Variants in EPB41L3 observed in about 807,000 individuals in gnomAD.
EPB41L3 encodes erythrocyte membrane protein band 4.1 like 3, also known as band 4.1-like protein 3.
EPB41L3 carries 57 observed loss-of-function variants against 127.1 expected under a neutral mutation model. The ratio of observed to expected loss-of-function variants is 0.45; its 90% CI spans 0.36 to 0.56. The LOEUF (loss-of-function observed/expected upper bound fraction) is 0.56. Ranked by LOEUF, EPB41L3 falls within the 20% of genes least tolerant of loss-of-function variation. The probability of loss-of-function intolerance (pLI) is 0.00; values close to 1 mark genes in which losing one functional copy is unlikely to be tolerated. For synonymous variants in EPB41L3, 572 were observed against 549.5 expected, an observed-to-expected ratio of 1.04 and a Z score of -0.57; for missense variants, 1,273 against 1,372.2, an observed-to-expected ratio of 0.93 and a Z score of 1.14.
chr18:5,485,349 G>C (rs534739492), intron 2 of EPB41L3, among the ~76,000 whole-genome samples: 6 of 151,838 alleles, frequency 4.0e-5, no homozygotes, highest in African/African-American at 1.4e-4. Flanking sequence ...AACATACCCC[G>C]AAATAATACA....
chr18:5,393,621 A>C, intron 22 of EPB41L3, 143 bp from the exon 23 acceptor site: 1 of 548,270 alleles, frequency 1.8e-6, no homozygotes, highest in Non-Finnish European at 3.2e-6. Flanking sequence ...AGTCACTGCC[A>C]ATTACATGCT....
intron 3 of EPB41L3, among the ~76,000 whole-genome samples, chr18:5,449,518 T>G (rs2081993398): frequency 6.6e-6 from 1 of 152,064 alleles, no homozygotes. Context: ...ACTCAAAAAC[T>G]TGCACACAAA....
At chr18:5,420,065 T>C in intron 11 of EPB41L3, 188 bp from the exon 12 acceptor site, 1 of 1,271,270 alleles carries the variant, frequency 7.9e-7, no homozygotes, top group South Asian at 1.6e-5. Flanking sequence ...AAAAAACAAA[T>C]CAGTGCTGCA....
At chr18:5,582,929 C>T (rs544989802) in intron 3 of EPB41L3, among the ~76,000 whole-genome samples, 1 of 152,288 alleles carries the variant, frequency 6.6e-6, no homozygotes, top group African/African-American at 2.4e-5. Flanking sequence ...GGAGCCACTG[C>T]AGACATCACT....
chr18:5,442,135 CA>C (rs1329887605), intron 5 of EPB41L3, among the ~76,000 whole-genome samples: 3 of 152,104 alleles, frequency 2.0e-5, no homozygotes, highest in Non-Finnish European at 4.4e-5. Context: ...TTTATGCACA[CA>C]AAATGTTAGG....
intron 3 of EPB41L3, among the ~76,000 whole-genome samples, chr18:5,602,408 T>C (rs1172173011): frequency 2.6e-5 from 4 of 152,222 alleles, no homozygotes; most frequent in African/African-American, 4.8e-5. Flanking sequence ...GAAGGATCAA[T>C]AGGGACTCCA....
intron 3 of EPB41L3, among the ~76,000 whole-genome samples, chr18:5,579,375 G>C (rs775923376): frequency 5.9e-5 from 9 of 152,134 alleles, no homozygotes; most frequent in Non-Finnish European, 1.2e-4. Context: ...GTGGTTCATA[G>C]GTGCTTCTTA....
At chr18:5,579,017 A>C (rs1482385347) in intron 3 of EPB41L3, among the ~76,000 whole-genome samples, 2 of 152,240 alleles carry the variant, frequency 1.3e-5, no homozygotes, top group Non-Finnish European at 2.9e-5. Context: ...ATGCTTATCA[A>C]GAAGACATTG....
intron 3 of EPB41L3, chr18:5,577,788 T>C (rs1011883386): frequency 6.5e-6 from 1 of 152,990 alleles, no homozygotes; most frequent in African/African-American, 2.4e-5. Context: ...TATGTATATA[T>C]TGTTATCCTT....
upstream of EPB41L3, chr18:5,630,310 C>T (rs2094979531): frequency 2.0e-6 from 1 of 510,514 alleles, no homozygotes; most frequent in Non-Finnish European, 3.9e-6. Context: ...GCACCCGCGC[C>T]CCTGCCCACG....
rs192094028 is a variant in EPB41L3 at position 5,506,540 on chromosome 18, C to T, written c.-11-17346G>A. Among the ~76,000 whole-genome samples the T allele has an allele frequency of 2.3e-3, 346 of 152,278 alleles. 1 individual carries two copies. The highest frequency in any genetic ancestry group is 8.0e-3 in the African/African-American group (333 of 41,564). On this transcript the variant is annotated intron_variant, in intron 1 of 22. Transcript: ENST00000341928. ...CTCCTGGCTCTGTCCCCGTTTCCTG[C>T]CCCCTTTTCTCCCTAATACCCATCA...
intron 3 of EPB41L3, among the ~76,000 whole-genome samples, chr18:5,460,588 G>C (rs2083827292): frequency 6.6e-6 from 1 of 152,148 alleles, no homozygotes; most frequent in Non-Finnish European, 1.5e-5. Context: ...ATTACTTAAT[G>C]GTTATTAAAG....
At position 5,429,751 on chromosome 18, in the gene EPB41L3, A is replaced by C. The variant is rs1467873947; in HGVS notation, c.913-1286T>G. 2.6e-5 allele frequency among the ~76,000 whole-genome samples: 4 copies of C among 152,246 alleles called. No homozygotes were observed. In the East Asian group the frequency reaches 7.7e-4, roughly 29 times the overall value. On this transcript the variant is annotated intron_variant, in intron 8 of 22. Transcript: ENST00000341928. The stretch of plus-strand genomic sequence containing the variant: ...GAAATATTTGATGGCAGGATATTAC[A>C]ATATAATAAAATTTGAGGAGAACTC...
chr18:5,424,610 G>C (rs1265331103), intron 9 of EPB41L3, among the ~76,000 whole-genome samples: 1 of 152,118 alleles, frequency 6.6e-6, no homozygotes, highest in Non-Finnish European at 1.5e-5. Context: ...TGTATCTTAT[G>C]ATACAACTGA....
intron 13 of EPB41L3, among the ~76,000 whole-genome samples, chr18:5,412,675 G>A (rs553135637): frequency 6.6e-6 from 1 of 152,206 alleles, no homozygotes; most frequent in Non-Finnish European, 1.5e-5. Flanking sequence ...AGGGGACAGT[G>A]GTCGTTAAGA....
chr18:5,488,191 G>A (rs925549673), intron 2 of EPB41L3, among the ~76,000 whole-genome samples: 1 of 152,118 alleles, frequency 6.6e-6, no homozygotes, highest in African/African-American at 2.4e-5. Flanking sequence ...TATAGGGAGG[G>A]AAAGACCTAC....
intron 1 of EPB41L3, among the ~76,000 whole-genome samples, chr18:5,541,126 G>A (rs2093714374): frequency 6.8e-6 from 1 of 147,532 alleles, no homozygotes; most frequent in African/African-American, 2.5e-5. Context: ...GGTGGTGGTC[G>A]CCTATAATCC....
intron 1 of EPB41L3, among the ~76,000 whole-genome samples, chr18:5,503,234 A>G (rs1243691214): frequency 6.6e-6 from 1 of 152,162 alleles, no homozygotes; most frequent in Non-Finnish European, 1.5e-5. Context: ...TTATAATATA[A>G]TTTAATACAT....
At chr18:5,401,395 G>A (rs75004207) in intron 16 of EPB41L3, among the ~76,000 whole-genome samples, 2,073 of 152,052 alleles carry the variant, frequency 0.014, 51 homozygotes, top group African/African-American at 0.048. Flanking sequence ...GTTTATGTTG[G>A]TATCAAAAAG....
Sources: gnomAD v4.1 joint callset for allele counts (sites outside exome capture counted in the v4.1 genomes callset) on GRCh38, gnomAD v4.1.1 for gene constraint, MANE v1.5 for transcripts, NCBI Gene and HGNC (gene_info 2026-07-23, HGNC 2026-07-21) for gene names.